The following SLC23A2 variants were observed in gnomAD, a reference collection of about 807,000 sequenced individuals.
SLC23A2 encodes the protein solute carrier family 23 member 2, also known as Na(+)/L-ascorbic acid transporter 2.
A neutral mutation model predicts 73.3 loss-of-function variants in SLC23A2; 36 were observed. The observed-to-expected ratio is 0.49, with a 90% confidence interval of 0.38 to 0.65. The LOEUF is 0.65. SLC23A2 is among the 30% of genes least tolerant of loss of function. SLC23A2 has a pLI of 0.00. For missense variants in SLC23A2, 507 were observed against 841.6 expected, an observed-to-expected ratio of 0.60 and a Z score of 4.92; for synonymous variants, 343 against 327.3, an observed-to-expected ratio of 1.05 and a Z score of -0.52.
At chr20:4,958,830 T>C (rs1395506934) in intron 2 of SLC23A2, among the ~76,000 whole-genome samples, 1 of 152,132 alleles carries the variant, frequency 6.6e-6, no homozygotes, top group Non-Finnish European at 1.5e-5. Context: ...AAAAAGATCA[T>C]CCAAGAGCAA....
In SLC23A2 at chr20:4,883,680, C is replaced by T. The variant is rs35550945; in HGVS notation, c.786G>A (p.Ala262=). 232 of 1,613,514 alleles carry T rather than the reference C, an allele frequency of 1.4e-4. 1 individual carries two copies. In the African/African-American group the frequency reaches 2.2e-3, roughly 15 times the overall value. The change falls in exon 9 of 17, where the codon GCG becomes GCA. Residue 262 remains alanine, a synonymous_variant. Coordinates refer to ENST00000338244, the MANE Select transcript of SLC23A2 (RefSeq NM_005116.6). This position sits in a 1 kb window ranked among gnomAD's most constrained non-coding sequence, Gnocchi z 4.5. ...CCCAGTGCTTCCCGGCTCTCTCCCC[C>T]GCTGCCTGGAAACCAGAGAGGCCAA... ...ALIGLSGFQA[A]GERAGKHWGI...
intron 1 of SLC23A2, among the ~76,000 whole-genome samples, chr20:4,993,171 C>T (rs1331169504): frequency 6.6e-6 from 1 of 151,840 alleles, no homozygotes; most frequent in African/African-American, 2.4e-5. Flanking sequence ...GCAGTCCCAG[C>T]TCCTAGGGAG....
Position 4,902,660 on chromosome 20 carries a change from T to C in SLC23A2, c.208-102A>G. ...ATTACAGAAAAACAACTTTATCAAG[T>C]GGTTGCCATCTTCCTGCAGTTTTGA... On this transcript the variant is annotated intron_variant, in intron 4 of 16. Coordinates refer to ENST00000338244, the MANE Select transcript of SLC23A2 (RefSeq NM_005116.6). The surrounding 1 kb of genome is among the most constrained non-coding windows in gnomAD (Gnocchi z 4.0). 1 of 596,980 alleles carries C rather than the reference T, an allele frequency of 1.7e-6. No individual in the cohort carries two copies. Among genetic ancestry groups the C allele is most frequent in the South Asian group, 2.4e-5 (1 of 41,246 alleles). 37.0% of individuals were successfully genotyped at this position (596,980 alleles called of 1,614,324 possible). A position where few individuals can be genotyped will look rare whatever the true frequency, so the allele number is the denominator to read the frequency against.
At chr20:4,861,909 T>C (rs1929980744) in intron 15 of SLC23A2, 39 bp downstream of exon 15, 1 of 1,608,076 alleles carries the variant, frequency 6.2e-7, no homozygotes. Context: ...CGGCTGTGGT[T>C]CCAGCTCCCA....
At chr20:4,923,471 C>T (rs1255829999) in intron 3 of SLC23A2, among the ~76,000 whole-genome samples, 3 of 152,146 alleles carry the variant, frequency 2.0e-5, no homozygotes. Flanking sequence ...AAGGGCATCC[C>T]CTGCCTAAAT....
intron 13 of SLC23A2, among the ~76,000 whole-genome samples, chr20:4,864,101 T>C (rs1356812471): frequency 1.3e-5 from 2 of 152,184 alleles, no homozygotes; most frequent in East Asian, 3.9e-4. Context: ...GTGCTGCCTC[T>C]TGCAGGAAAA....
chr20:4,891,340 T>G (rs1030251485), intron 6 of SLC23A2, among the ~76,000 whole-genome samples: 2 of 152,208 alleles, frequency 1.3e-5, no homozygotes, highest in African/African-American at 4.8e-5. Context: ...ACATCACAAA[T>G]ACCAGCTAAC....
intron 1 of SLC23A2, among the ~76,000 whole-genome samples, chr20:4,980,583 C>G (rs2748898): frequency 0.66 from 100,204 of 151,078 alleles, 35,003 homozygotes; most frequent in African/African-American, 0.9. Flanking sequence ...CCAGGCTAGA[C>G]TGCAGTGGCA....
intron 6 of SLC23A2, 158 bp from the exon 7 acceptor site, chr20:4,886,067 G>C (rs976802519): frequency 1.8e-6 from 1 of 552,648 alleles, no homozygotes; most frequent in African/African-American, 1.9e-5. Context: ...GGTTTCCTGT[G>C]CCATGCAGCC....
chr20:4,919,001 T>C (rs1277308324), intron 3 of SLC23A2, among the ~76,000 whole-genome samples: 1 of 152,192 alleles, frequency 6.6e-6, no homozygotes, highest in East Asian at 1.9e-4. Context: ...CAGAAGATAA[T>C]AGATTCGTGT....
chr20:4,940,338 C>T (rs2087021387), intron 2 of SLC23A2, among the ~76,000 whole-genome samples: 1 of 151,812 alleles, frequency 6.6e-6, no homozygotes, highest in African/African-American at 2.4e-5. Context: ...TAATAATAAG[C>T]AAGGATAGCC....
chr20:4,874,013 T>G lies in SLC23A2; in HGVS notation c.1025A>C (p.Lys342Thr), dbSNP rs554250423. The G allele has an allele frequency of 1.5e-5, 25 of 1,614,056 alleles. No individual in the cohort carries two copies. Among genetic ancestry groups the G allele is most frequent in the Non-Finnish European group, 2.0e-5 (24 of 1,180,022 alleles). Residue 342 changes from lysine to threonine, a missense_variant, in exon 11 of 17, where the codon AAG becomes ACG. Transcript: ENST00000338244. ...ATCTGTGCGAGCATAGAAGCCATAC[T>G]TTGTGCTGTCGGGAGGGAAGACATC... ...VTDVFPPDSTKYGFYARTDAR... is the reference protein window; with the variant it reads ...VTDVFPPDSTTYGFYARTDAR...
At chr20:4,994,805 G>A (rs2087991276) in intron 1 of SLC23A2, among the ~76,000 whole-genome samples, 1 of 151,514 alleles carries the variant, frequency 6.6e-6, no homozygotes, top group Non-Finnish European at 1.5e-5. Flanking sequence ...CGCAGTTGCA[G>A]TGACCGTAAT....
chr20:4,997,134 G>C (rs2088036872), intron 1 of SLC23A2, among the ~76,000 whole-genome samples: 1 of 152,000 alleles, frequency 6.6e-6, no homozygotes, highest in Non-Finnish European at 1.5e-5. Context: ...CCTCAGCCCT[G>C]CATTCTGGCT....
intron 3 of SLC23A2, among the ~76,000 whole-genome samples, chr20:4,914,747 A>T (rs1036450069): frequency 1.3e-5 from 2 of 152,242 alleles, no homozygotes; most frequent in Non-Finnish European, 2.9e-5. Flanking sequence ...TCAGCCATTA[A>T]AAATAATAAA....
At chr20:5,002,867 A>G (rs1273749765), upstream of SLC23A2, among the ~76,000 whole-genome samples, 1 of 152,176 alleles carries the variant, frequency 6.6e-6, no homozygotes, top group Non-Finnish European at 1.5e-5. Context: ...AGCTGGGATG[A>G]CAGGACCACA....
At chr20:4,924,662 C>T (rs183899838) in intron 3 of SLC23A2, among the ~76,000 whole-genome samples, 1 of 152,348 alleles carries the variant, frequency 6.6e-6, no homozygotes, top group East Asian at 1.9e-4. Flanking sequence ...GGAGCAACAC[C>T]AGGCACCCCC....
chr20:4,868,678 T>C lies in SLC23A2; in HGVS notation c.1251-803A>G, dbSNP rs1201866130. Among the ~76,000 whole-genome samples the C allele has an allele frequency of 1.3e-5, 2 of 152,298 alleles. No individual in the cohort carries two copies. Among genetic ancestry groups the C allele is most frequent in the East Asian group, 3.9e-4 (2 of 5,186 alleles). On this transcript the variant is annotated intron_variant, in intron 12 of 16. Coordinates refer to ENST00000338244, the MANE Select transcript of SLC23A2 (RefSeq NM_005116.6). The surrounding 1 kb of genome is among the most constrained non-coding windows in gnomAD (Gnocchi z 4.4). ...TATTTAATCATGTGCAGCAGCTCCATTAGAGAAAGATGGGGACATCAGGTA... is the reference window on the plus strand; with the variant it reads ...TATTTAATCATGTGCAGCAGCTCCACTAGAGAAAGATGGGGACATCAGGTA...
At chr20:4,953,564 C>T (rs2087235719) in intron 2 of SLC23A2, among the ~76,000 whole-genome samples, 1 of 151,986 alleles carries the variant, frequency 6.6e-6, no homozygotes, top group Non-Finnish European at 1.5e-5. Context: ...GAGTTAAACC[C>T]ATTTAATTAA....
Sources: allele counts gnomAD v4.1 joint callset (sites outside exome capture counted in the v4.1 genomes callset), GRCh38; gene constraint gnomAD v4.1.1; non-coding constraint Gnocchi (gnomAD v3.1); transcripts MANE v1.5; gene names NCBI Gene and HGNC (gene_info 2026-07-23, HGNC 2026-07-21).